The following SLC4A4 variants were observed in gnomAD, a reference collection of about 807,000 sequenced individuals.
The protein encoded by SLC4A4 is solute carrier family 4 member 4, also known as electrogenic sodium bicarbonate cotransporter 1.
SLC4A4 carries 27 observed loss-of-function variants against 111.5 expected under a neutral mutation model. The ratio of observed to expected loss-of-function variants is 0.24; its 90% CI spans 0.18 to 0.33. SLC4A4 has a LOEUF of 0.33. Ranked by LOEUF, SLC4A4 falls within the 10% of genes least tolerant of loss-of-function variation. SLC4A4 has a pLI of 1.00. For synonymous variants in SLC4A4, 443 were observed against 463.4 expected, an observed-to-expected ratio of 0.96 and a Z score of 0.57; for missense variants, 909 against 1,315.5, an observed-to-expected ratio of 0.69 and a Z score of 4.78.
intron 2 of SLC4A4, among the ~76,000 whole-genome samples, chr4:71,244,473 A>G (rs926688357): frequency 1.3e-5 from 2 of 152,274 alleles, no homozygotes; most frequent in Non-Finnish European, 2.9e-5. Context: ...TAATTTCTGA[A>G]TCTCAGTTTT....
intron 7 of SLC4A4, among the ~76,000 whole-genome samples, chr4:71,400,998 C>G (rs1034716508): frequency 1.3e-5 from 2 of 151,998 alleles, no homozygotes; most frequent in Non-Finnish European, 2.9e-5. Flanking sequence ...CCAAAAACTT[C>G]CATTTGACCA....
At chr4:71,334,992 C>A (rs570494895) in intron 3 of SLC4A4, among the ~76,000 whole-genome samples, 1 of 152,258 alleles carries the variant, frequency 6.6e-6, no homozygotes, top group South Asian at 2.1e-4. Context: ...TGACTCTAGA[C>A]TTCTCCCTTC....
At chr4:71,101,446 C>CT (rs1277187255) in intron 2 of SLC4A4, among the ~76,000 whole-genome samples, 3 of 152,256 alleles carry the variant, frequency 2.0e-5, no homozygotes, top group African/African-American at 7.2e-5. Flanking sequence ...TAATTATATT[C>CT]TTACTGTTGT....
chr4:71,402,994 T>C (rs1720507862), intron 7 of SLC4A4, among the ~76,000 whole-genome samples: 1 of 152,224 alleles, frequency 6.6e-6, no homozygotes, highest in Non-Finnish European at 1.5e-5. Flanking sequence ...TTGATATTAA[T>C]ACTGATTTAA....
At chr4:71,476,363 T>C (rs1343296507) in intron 14 of SLC4A4, among the ~76,000 whole-genome samples, 2 of 151,748 alleles carry the variant, frequency 1.3e-5, no homozygotes, top group Admixed American at 6.6e-5. Flanking sequence ...AAGACTGGCC[T>C]TTCATCACAA....
chr4:71,305,302 G>T (rs543972617), intron 3 of SLC4A4, among the ~76,000 whole-genome samples: 2 of 152,184 alleles, frequency 1.3e-5, no homozygotes, highest in South Asian at 4.1e-4. Flanking sequence ...AACCTTTGGT[G>T]ATTGACTTAA....
chr4:71,122,135 G>A (rs1743449263), intron 2 of SLC4A4, among the ~76,000 whole-genome samples: 2 of 151,782 alleles, frequency 1.3e-5, no homozygotes, highest in Non-Finnish European at 2.9e-5. Flanking sequence ...CACTCACCAC[G>A]AGCGTCCGTG....
intron 18 of SLC4A4, among the ~76,000 whole-genome samples, chr4:71,538,711 C>T (rs1372228377): frequency 6.6e-6 from 1 of 152,042 alleles, no homozygotes; most frequent in Admixed American, 6.6e-5. Flanking sequence ...GGTCAAGTGG[C>T]TCTGGCTGTC....
At chr4:71,497,479 T>C (rs774263597) in intron 15 of SLC4A4, 22 bp from the exon 16 acceptor site, 1 of 1,601,576 alleles carries the variant, frequency 6.2e-7, no homozygotes, top group Admixed American at 1.7e-5. Context: ...TCTAGAAAAA[T>C]TTTAATGTTT....
At chr4:71,504,669 G>A (rs1188273870) in intron 16 of SLC4A4, among the ~76,000 whole-genome samples, 6 of 143,600 alleles carry the variant, frequency 4.2e-5, no homozygotes, top group Non-Finnish European at 7.8e-5. Flanking sequence ...TTCATGGGGG[G>A]GGGGGTGTTA....
At chr4:71,446,373 T>C (rs1199537529) in intron 8 of SLC4A4, among the ~76,000 whole-genome samples, 1 of 152,200 alleles carries the variant, frequency 6.6e-6, no homozygotes, top group Non-Finnish European at 1.5e-5. Flanking sequence ...TTCTTGTCCC[T>C]GGCTAAGCAT....
rs188795654 is a variant in SLC4A4, at chr4:71,089,229, C to T, written c.-64-3501C>T. Among the ~76,000 whole-genome samples, 576 of 152,098 alleles carry T rather than the reference C, an allele frequency of 3.8e-3. 10 individuals are homozygous for T. Among genetic ancestry groups the T allele is most frequent in the African/African-American group, 0.013 (554 of 41,394 alleles). On this transcript the variant is annotated intron_variant, in intron 1 of 26. Coordinates refer to the SLC4A4 transcript ENST00000649996. ...TGTGCATTCGTCACATAGTTTTGTGCCATGGTTTTCAGCTCCATCAGGTCC... is the reference window on the plus strand; with the variant it reads ...TGTGCATTCGTCACATAGTTTTGTGTCATGGTTTTCAGCTCCATCAGGTCC...
chr4:71,221,837 G>C (rs954522135), intron 1 of SLC4A4, among the ~76,000 whole-genome samples: 1 of 152,126 alleles, frequency 6.6e-6, no homozygotes, highest in African/African-American at 2.4e-5. Context: ...CTGAACCCTC[G>C]GGATGAAGTC....
At chr4:71,425,739 A>G (rs1723063462) in intron 7 of SLC4A4, among the ~76,000 whole-genome samples, 1 of 152,096 alleles carries the variant, frequency 6.6e-6, no homozygotes, top group Non-Finnish European at 1.5e-5. Context: ...ATGGATTCCA[A>G]GATTTTCAGA....
At chr4:71,461,014 T>C (rs1339446426) in intron 12 of SLC4A4, among the ~76,000 whole-genome samples, 1 of 152,160 alleles carries the variant, frequency 6.6e-6, no homozygotes, top group Non-Finnish European at 1.5e-5. Context: ...TATAGGTTAA[T>C]TCTGCTCTGA....
In SLC4A4 at chr4:71,081,607, C is replaced by T. The variant is rs149208239; in HGVS notation, c.-64-11123C>T. ...GGTTCTAGAACAGGGTTGGTTAGCC[C>T]TAAAGCACAATGAGTTAGATCCCAG... On this transcript the variant is annotated intron_variant, in intron 1 of 26. Transcript: ENST00000649996. Among the ~76,000 whole-genome samples, 170 of 152,146 alleles carry T rather than the reference C, an allele frequency of 1.1e-3. 2 individuals carry two copies. The highest frequency in any genetic ancestry group is 4.0e-3 in the African/African-American group (165 of 41,440).
At chr4:71,504,043 T>C (rs1731172708) in intron 16 of SLC4A4, among the ~76,000 whole-genome samples, 1 of 152,168 alleles carries the variant, frequency 6.6e-6, no homozygotes, top group African/African-American at 2.4e-5. Flanking sequence ...GGAGATTCTC[T>C]TATATGTGAC....
intron 3 of SLC4A4, among the ~76,000 whole-genome samples, chr4:71,258,396 G>A (rs762295054): frequency 9.2e-5 from 14 of 151,974 alleles, no homozygotes; most frequent in East Asian, 1.9e-4. Flanking sequence ...CTTTCCCAAC[G>A]CCTTATGTTT....
chr4:71,268,369 C>T (rs1350967606), intron 3 of SLC4A4, among the ~76,000 whole-genome samples: 3 of 152,090 alleles, frequency 2.0e-5, no homozygotes, highest in South Asian at 4.1e-4. Flanking sequence ...GATCAGATGA[C>T]GAGGTCAAGA....
Sources: gnomAD v4.1 joint callset for allele counts (sites outside exome capture counted in the v4.1 genomes callset) on GRCh38, gnomAD v4.1.1 for gene constraint, MANE v1.5 for transcripts, NCBI Gene and HGNC (gene_info 2026-07-23, HGNC 2026-07-21) for gene names.